The following TMEM117 variants were observed in gnomAD, a reference collection of about 807,000 sequenced individuals.
The protein encoded by TMEM117 is transmembrane protein 117.
A neutral mutation model predicts 52.4 loss-of-function variants in TMEM117; 27 were observed. The ratio of observed to expected loss-of-function variants is 0.51; its 90% CI spans 0.38 to 0.71. TMEM117 has a LOEUF of 0.71. TMEM117 is among the 30% of genes least tolerant of loss of function. The pLI is 0.00. For missense variants in TMEM117, 556 were observed against 630.5 expected, an observed-to-expected ratio of 0.88 and a Z score of 1.26; for synonymous variants, 215 against 206.3, an observed-to-expected ratio of 1.04 and a Z score of -0.36.
intron 3 of TMEM117, among the ~76,000 whole-genome samples, chr12:44,094,494 A>C (rs1420306788): frequency 1.3e-5 from 2 of 152,154 alleles, no homozygotes; most frequent in Non-Finnish European, 2.9e-5. Flanking sequence ...AAGACCCAGA[A>C]GGAGTAATGA....
At chr12:44,122,665 T>C (rs1302857473) in intron 3 of TMEM117, among the ~76,000 whole-genome samples, 1 of 152,194 alleles carries the variant, frequency 6.6e-6, no homozygotes, top group Admixed American at 6.5e-5. Flanking sequence ...ACACGCAGTA[T>C]TTGATTTTCT....
At chr12:44,108,361 C>T (rs1166631375) in intron 3 of TMEM117, among the ~76,000 whole-genome samples, 5 of 110,586 alleles carry the variant, frequency 4.5e-5, no homozygotes, top group African/African-American at 1.1e-4. Flanking sequence ...CCCCCTCCCC[C>T]GACCCCACCA....
At chr12:44,373,966 G>A in intron 6 of TMEM117, among the ~76,000 whole-genome samples, 1 of 151,672 alleles carries the variant, frequency 6.6e-6, no homozygotes, top group Admixed American at 6.6e-5. Context: ...ATTTTTGGTA[G>A]AGATGGGGTT....
At chr12:43,798,678 T>C in the TMEM117 span, 4 of 1,295,828 alleles carry the variant, frequency 3.1e-6, no homozygotes, top group Non-Finnish European at 4.2e-6. Flanking sequence ...ATTAAAATAA[T>C]ATGATAGATC....
At position 43,836,100 on chromosome 12, in the gene TMEM117, C is replaced by G. The variant is rs888317703; in HGVS notation, c.-125C>G. ...AGCGGCAGCGACGCCGCCGGCCCGTCTCGCCGCGCTTCCCAGCGAGGCCGC... is the reference window on the plus strand; with the variant it reads ...AGCGGCAGCGACGCCGCCGGCCCGTGTCGCCGCGCTTCCCAGCGAGGCCGC... On this transcript the variant is annotated 5_prime_UTR_variant, in exon 1 of 8. Transcript: ENST00000266534. 5.3e-5 allele frequency: 8 copies of G among 151,910 alleles called. No homozygotes were observed. Among genetic ancestry groups the G allele is most frequent in the African/African-American group, 1.7e-4 (7 of 41,398 alleles). The allele number at this position is 151,910 out of a possible 1,614,324, so 9.4% of individuals were successfully genotyped here. A position where few individuals can be genotyped will look rare whatever the true frequency, so the allele number is the denominator to read the frequency against.
intron 6 of TMEM117, among the ~76,000 whole-genome samples, chr12:44,329,426 A>G (rs1951238006): frequency 6.6e-6 from 1 of 152,130 alleles, no homozygotes; most frequent in South Asian, 2.1e-4. Flanking sequence ...CTTCAGAAAG[A>G]TGTACATAAA....
At chr12:44,077,398 G>A (rs1198681529) in intron 3 of TMEM117, among the ~76,000 whole-genome samples, 1 of 152,128 alleles carries the variant, frequency 6.6e-6, no homozygotes, top group East Asian at 1.9e-4. Context: ...TTTGCCAGAA[G>A]GAACTCTTTT....
At chr12:44,284,620 G>A (rs116519708) in intron 5 of TMEM117, among the ~76,000 whole-genome samples, 2,048 of 152,292 alleles carry the variant, frequency 0.013, 44 homozygotes, top group African/African-American at 0.047. Context: ...GCTTTGTAAA[G>A]AGGAATGTAC....
intron 2 of TMEM117, among the ~76,000 whole-genome samples, chr12:43,874,687 A>G (rs1419015452): frequency 3.3e-5 from 5 of 152,232 alleles, no homozygotes; most frequent in Non-Finnish European, 7.3e-5. Flanking sequence ...CACAGGTTCT[A>G]GGATAGTTGA....
intron 1 of TMEM117, among the ~76,000 whole-genome samples, chr12:43,839,471 C>T (rs1362857813): frequency 6.6e-6 from 1 of 152,200 alleles, no homozygotes. Flanking sequence ...CAACAATGGC[C>T]TTTCCAAGTT....
At chr12:44,176,437 T>A (rs1295020299) in intron 4 of TMEM117, among the ~76,000 whole-genome samples, 1 of 152,180 alleles carries the variant, frequency 6.6e-6, no homozygotes, top group East Asian at 1.9e-4. Context: ...TAACTAGTAA[T>A]CTCATGTATA....
rs961213406 is a variant in TMEM117, at chr12:44,151,926, CATT to C, written c.510+8305_510+8307del. ...TTTAATATATAATATATATTATAAA[CATT>C]ATATATTATATTATATTACATAATA... On this transcript the variant is annotated intron_variant, in intron 4 of 7. Coordinates refer to ENST00000266534, the MANE Select transcript of TMEM117 (RefSeq NM_032256.3). 2.5e-4 allele frequency among the ~76,000 whole-genome samples: 29 copies of C among 116,512 alleles called. No homozygotes were observed. In the East Asian group the frequency reaches 5.7e-3, roughly 23 times the overall value. 76.4% of individuals were successfully genotyped at this position (116,512 alleles called of 152,430 possible). A position where few individuals can be genotyped will look rare whatever the true frequency, so the allele number is the denominator to read the frequency against.
At chr12:43,804,154 A>T in the TMEM117 span, 3 of 333,070 alleles carry the variant, frequency 9.0e-6, no homozygotes, top group Admixed American at 3.8e-5. Flanking sequence ...ACAAGTAACT[A>T]TTTTTTTTTT....
intron 3 of TMEM117, among the ~76,000 whole-genome samples, chr12:44,019,058 T>G (rs1946416625): frequency 6.6e-6 from 1 of 152,218 alleles, no homozygotes; most frequent in African/African-American, 2.4e-5. Context: ...CCTAAGTCAG[T>G]GGTTCTCAGC....
chr12:44,071,994 G>T (rs1466852476), intron 3 of TMEM117, among the ~76,000 whole-genome samples: 1 of 152,120 alleles, frequency 6.6e-6, no homozygotes, highest in Non-Finnish European at 1.5e-5. Context: ...AAGAAATATT[G>T]CTTTAAATTG....
intron 6 of TMEM117, among the ~76,000 whole-genome samples, chr12:44,323,143 A>G (rs965786722): frequency 6.6e-6 from 1 of 152,174 alleles, no homozygotes; most frequent in African/African-American, 2.4e-5. Context: ...ATAAAAGGCA[A>G]AGAAGCACAT....
At chr12:44,000,970 G>T (rs1306424637) in intron 3 of TMEM117, among the ~76,000 whole-genome samples, 3 of 152,190 alleles carry the variant, frequency 2.0e-5, no homozygotes, top group African/African-American at 7.2e-5. Flanking sequence ...CAGCTTTGAA[G>T]TTGTGGTGAC....
intron 3 of TMEM117, among the ~76,000 whole-genome samples, chr12:43,954,329 A>G (rs1050635537): frequency 1.3e-5 from 2 of 152,170 alleles, no homozygotes. Flanking sequence ...AGATAGAGAT[A>G]TGAAAAACCC....
At chr12:44,033,982 AT>A (rs1389903135) in intron 3 of TMEM117, among the ~76,000 whole-genome samples, 1 of 152,092 alleles carries the variant, frequency 6.6e-6, no homozygotes. Context: ...GTTTCTTGTG[AT>A]TGTTGTCTAC....
Sources: allele counts gnomAD v4.1 joint callset (sites outside exome capture counted in the v4.1 genomes callset), GRCh38; gene constraint gnomAD v4.1.1; transcripts MANE v1.5; gene names NCBI Gene and HGNC (gene_info 2026-07-23, HGNC 2026-07-21).